The following TIAM1 variants were observed in gnomAD, a reference collection of about 807,000 sequenced individuals.
The protein encoded by TIAM1 is rho guanine nucleotide exchange factor TIAM1.
In TIAM1, 65 loss-of-function variants were observed where a neutral mutation model predicts 163.5. The observed-to-expected ratio is 0.40, with a 90% CI of 0.33 to 0.49. The LOEUF is 0.49. TIAM1 is among the 20% of genes least tolerant of loss of function. TIAM1 has a pLI of 0.77. For synonymous variants in TIAM1, 833 were observed against 810.1 expected, an observed-to-expected ratio of 1.03 and a Z score of -0.48; for missense variants, 1,789 against 2,044.7, an observed-to-expected ratio of 0.87 and a Z score of 2.41.
chr21:31,527,708 T>C (rs895204309), intron 1 of TIAM1, among the ~76,000 whole-genome samples: 2 of 152,042 alleles, frequency 1.3e-5, no homozygotes, highest in African/African-American at 4.8e-5. Flanking sequence ...CCCTGTCACT[T>C]ATCACAAAAT....
At chr21:31,513,587 C>A (rs1478108720) in intron 1 of TIAM1, among the ~76,000 whole-genome samples, 1 of 152,200 alleles carries the variant, frequency 6.6e-6, no homozygotes, top group East Asian at 1.9e-4. Context: ...AAAATTAGCT[C>A]CTTAGAAACC....
At chr21:31,293,440 C>A (rs998741250) in intron 2 of TIAM1, among the ~76,000 whole-genome samples, 3 of 152,212 alleles carry the variant, frequency 2.0e-5, no homozygotes, top group Non-Finnish European at 4.4e-5. Flanking sequence ...CGACTAGGCA[C>A]CACAACCTAC....
intron 3 of TIAM1, among the ~76,000 whole-genome samples, chr21:31,274,138 C>T (rs2073186441): frequency 6.6e-6 from 1 of 152,010 alleles, no homozygotes; most frequent in Non-Finnish European, 1.5e-5. Context: ...TCACTTGAAC[C>T]CAGGAGGCAG....
intron 15 of TIAM1, among the ~76,000 whole-genome samples, chr21:31,172,755 AC>A (rs2084576942): frequency 6.6e-6 from 1 of 151,798 alleles, no homozygotes; most frequent in Admixed American, 6.6e-5. Context: ...GTAATCCCAA[AC>A]TCTTGAGAGG....
At chr21:31,496,453 C>G (rs2046645324) in intron 1 of TIAM1, among the ~76,000 whole-genome samples, 1 of 106,170 alleles carries the variant, frequency 9.4e-6, no homozygotes, top group Non-Finnish European at 1.8e-5. Flanking sequence ...CTGGGCAACT[C>G]TGTCTCAAAA....
chr21:31,553,832 C>T (rs2048777480), intron 1 of TIAM1, among the ~76,000 whole-genome samples: 1 of 152,118 alleles, frequency 6.6e-6, no homozygotes, highest in South Asian at 2.1e-4. Context: ...CAATGGGTAG[C>T]AAATCCTGTT....
chr21:31,171,537 A>G (rs949028347), intron 15 of TIAM1, among the ~76,000 whole-genome samples: 2 of 152,224 alleles, frequency 1.3e-5, no homozygotes, highest in Admixed American at 6.5e-5. Flanking sequence ...ATCTGATTCT[A>G]AAGCATATAT....
intron 3 of TIAM1, among the ~76,000 whole-genome samples, chr21:31,267,769 T>C (rs1007933894): frequency 6.6e-5 from 10 of 152,202 alleles, no homozygotes; most frequent in Admixed American, 3.3e-4. Context: ...CGCTCTCTGC[T>C]TAGCAGTAGA....
intron 5 of TIAM1, among the ~76,000 whole-genome samples, chr21:31,249,667 C>G (rs2071689831): frequency 2.6e-5 from 4 of 152,134 alleles, no homozygotes; most frequent in Non-Finnish European, 5.9e-5. Flanking sequence ...GAAGCCTTTC[C>G]CCTCATCTCC....
intron 1 of TIAM1, among the ~76,000 whole-genome samples, chr21:31,471,248 C>A (rs545712279): frequency 6.6e-6 from 1 of 152,188 alleles, no homozygotes; most frequent in Non-Finnish European, 1.5e-5. Context: ...CGGTGGGCAT[C>A]GGTCAGCCCT....
intron 2 of TIAM1, among the ~76,000 whole-genome samples, chr21:31,387,306 T>G (rs950268062): frequency 8.6e-5 from 12 of 140,306 alleles, no homozygotes; most frequent in African/African-American, 3.2e-4. Context: ...CACTGCAACC[T>G]CTGCCTCCCA....
chr21:31,451,334 T>G (rs1473682366), intron 2 of TIAM1, among the ~76,000 whole-genome samples: 3 of 152,216 alleles, frequency 2.0e-5, no homozygotes, highest in Admixed American at 6.5e-5. Flanking sequence ...CATGTTTGAT[T>G]AATATTATCA....
At chr21:31,369,609 T>C (rs961988183) in intron 2 of TIAM1, among the ~76,000 whole-genome samples, 1 of 152,226 alleles carries the variant, frequency 6.6e-6, no homozygotes, top group South Asian at 2.1e-4. Context: ...AAATGATGGA[T>C]ATGGTAATTA....
intron 1 of TIAM1, among the ~76,000 whole-genome samples, chr21:31,501,633 C>CG (rs1402127878): frequency 6.6e-6 from 1 of 152,082 alleles, no homozygotes; most frequent in Non-Finnish European, 1.5e-5. Flanking sequence ...GACAGGGTCT[C>CG]GCTCTGTTGC....
At position 31,141,493 on chromosome 21, in the gene TIAM1, T is replaced by C. The variant is rs762782036; in HGVS notation, c.3487A>G (p.Thr1163Ala). 19 of 1,613,988 alleles carry C rather than the reference T, an allele frequency of 1.2e-5. No homozygotes were observed. The highest frequency in any genetic ancestry group is 1.6e-5 in the Non-Finnish European group (19 of 1,179,978). The change falls in exon 21 of 28, where the codon ACG becomes GCG. Residue 1163 changes from threonine to alanine, a missense_variant. Thr to Ala is a moderately conservative substitution (Grantham distance 58). This residue lies in a region of TIAM1 where 60 missense variants were observed against 132.6 expected (regional missense o/e 0.45). Transcript: ENST00000541036. This position sits in a 1 kb window ranked among gnomAD's most constrained non-coding sequence, Gnocchi z 4.7. ...PKVLVKAKTD[T>A]AFKAFLDAQN... ...GCATCCAAGAATGCCTTGAAAGCCG[T>C]GTCTGTCTTGGCTGGCAGGGTTTAA...
At chr21:31,136,487 A>G (rs925221895) in intron 22 of TIAM1, among the ~76,000 whole-genome samples, 1 of 96,190 alleles carries the variant, frequency 1.0e-5, no homozygotes, top group Non-Finnish European at 2.3e-5. Context: ...ATGAAATTTT[A>G]ACGAAAAAAA....
At chr21:31,515,152 G>A (rs1317504611) in intron 1 of TIAM1, among the ~76,000 whole-genome samples, 2 of 151,986 alleles carry the variant, frequency 1.3e-5, no homozygotes, top group Admixed American at 6.6e-5. Context: ...ACCTTTCTTC[G>A]CTATCGACCC....
intron 1 of TIAM1, among the ~76,000 whole-genome samples, chr21:31,474,751 G>A (rs962974881): frequency 2.0e-5 from 3 of 151,842 alleles, no homozygotes; most frequent in Non-Finnish European, 4.4e-5. Flanking sequence ...CCTCCATGTT[G>A]GTCAGGCTGG....
At chr21:31,428,903 G>A (rs931022759) in intron 2 of TIAM1, among the ~76,000 whole-genome samples, 8 of 151,412 alleles carry the variant, frequency 5.3e-5, no homozygotes, top group African/African-American at 1.7e-4. Flanking sequence ...AAAAGTAAAA[G>A]TAAAGCAGAT....
Sources: allele counts gnomAD v4.1 joint callset (sites outside exome capture counted in the v4.1 genomes callset), GRCh38; gene constraint gnomAD v4.1.1; regional missense constraint gnomAD v4.1.1; non-coding constraint Gnocchi (gnomAD v3.1); transcripts MANE v1.5; gene names NCBI Gene and HGNC (gene_info 2026-07-23, HGNC 2026-07-21).